HSPA4L: variants seen among roughly 807,000 people sequenced by gnomAD.
HSPA4L encodes the protein heat shock protein family A (Hsp70) member 4 like, also known as heat shock 70 kDa protein 4L.
In HSPA4L, 48 loss-of-function variants were observed where a neutral mutation model predicts 100.3. The ratio of observed to expected loss-of-function variants is 0.48; its 90% confidence interval spans 0.38 to 0.61. The LOEUF (loss-of-function observed/expected upper bound fraction) is 0.61. HSPA4L is among the 20% of genes least tolerant of loss of function. The probability of loss-of-function intolerance (pLI) is 0.00; values close to 1 mark genes in which losing one functional copy is unlikely to be tolerated. For missense variants in HSPA4L, 886 were observed against 988.6 expected (o/e 0.90, Z 1.39); for synonymous variants, 319 against 328.2 (o/e 0.97, Z 0.30).
chr4:127,838,173 C>T lies in HSPA4L; in HGVS notation c.*5299C>T, dbSNP rs896014252. On this transcript the variant is annotated 3_prime_UTR_variant, in exon 19 of 19. Transcript: ENST00000296464. Reference sequence around the variant, plus strand: ...TTTATAATGCTGCCAGATGTCATTACAATTTTTTTTCTAAATTCAAAGGTA... The same window carrying T: ...TTTATAATGCTGCCAGATGTCATTATAATTTTTTTTCTAAATTCAAAGGTA... The T allele has an allele frequency of 2.6e-5, 4 of 152,098 alleles. No individual in the cohort carries two copies. Among genetic ancestry groups the T allele is most frequent in the Non-Finnish European group, 5.9e-5 (4 of 68,022 alleles). 9.4% of individuals were successfully genotyped at this position (152,098 alleles called of 1,614,324 possible).
At position 127,833,770 on chromosome 4, in the gene HSPA4L, AG is replaced by A. The variant is rs1734144950; in HGVS notation, c.*898del. 1 of 152,196 alleles carries A rather than the reference AG, an allele frequency of 6.6e-6. No homozygotes were observed. Among genetic ancestry groups the A allele is most frequent in the Non-Finnish European group, 1.5e-5 (1 of 68,022 alleles). 9.4% of individuals were successfully genotyped at this position (152,196 alleles called of 1,614,324 possible). On this transcript the variant is annotated 3_prime_UTR_variant, in exon 19 of 19. Coordinates refer to ENST00000296464, the MANE Select transcript of HSPA4L (RefSeq NM_014278.4). ...TGTTAATAATACCTTAACACAGGGT[AG>A]GAAGAAGTGGCACAGTGTATTGCAT...
In HSPA4L at chr4:127,838,937, CTA is replaced by C. The variant is rs1382817950; in HGVS notation, c.*6065_*6066del. 2.0e-5 allele frequency: 3 copies of C among 151,746 alleles called. No individual in the cohort carries two copies. The highest frequency in any genetic ancestry group is 1.3e-4 in the Admixed American group (2 of 15,250). 9.4% of individuals were successfully genotyped at this position (151,746 alleles called of 1,614,324 possible). A position where few individuals can be genotyped will look rare whatever the true frequency, so the allele number is the denominator to read the frequency against. On this transcript the variant is annotated 3_prime_UTR_variant, in exon 19 of 19. Coordinates refer to ENST00000296464, the MANE Select transcript of HSPA4L (RefSeq NM_014278.4). ...TGGCTATAAATTCGTACTTGATAAG[CTA>C]TGTTATTTCTTTGTGTAATTTAATA...
At chr4:127,816,791 C>A (rs1733680598) in intron 12 of HSPA4L, among the ~76,000 whole-genome samples, 1 of 152,112 alleles carries the variant, frequency 6.6e-6, no homozygotes. Flanking sequence ...GAGTTGGATT[C>A]TGAATGTGAA....
At position 127,832,859 on chromosome 4, in the gene HSPA4L, G is replaced by A. The variant is rs1462043651; in HGVS notation, c.2505G>A (p.Glu835=). The change falls in exon 19 of 19, where the codon GAG becomes GAA. Residue 835 remains glutamate, a synonymous_variant. Transcript: ENST00000296464. ...CACAGCATACTAAATCCTCTGGAGA[G>A]ATGGAAGTGGACTAAGTCTTAATTT... ...DSSQHTKSSG[E]MEVD The A allele has an allele frequency of 6.2e-7, 1 of 1,600,974 alleles. No homozygotes were observed.
chr4:127,791,113 G>C (rs1416737907), intron 1 of HSPA4L, among the ~76,000 whole-genome samples: 1 of 151,686 alleles, frequency 6.6e-6, no homozygotes, highest in East Asian at 1.9e-4. Context: ...AAAAAAAAAA[G>C]TTCCAATAAT....
At chr4:127,814,863 C>T (rs921629740) in intron 12 of HSPA4L, among the ~76,000 whole-genome samples, 2 of 152,126 alleles carry the variant, frequency 1.3e-5, no homozygotes, top group African/African-American at 2.4e-5. Context: ...CCGTGCCCGG[C>T]CTGTGCACTT....
chr4:127,830,666 CT>C lies in HSPA4L; in HGVS notation c.2196del (p.Glu733LysfsTer13). The C allele has an allele frequency of 6.2e-7, 1 of 1,600,948 alleles. No individual in the cohort carries two copies. The highest frequency in any genetic ancestry group is 8.5e-7 in the Non-Finnish European group (1 of 1,175,280). On this transcript the variant is annotated frameshift_variant, in exon 18 of 19. Coordinates refer to ENST00000296464, the MANE Select transcript of HSPA4L (RefSeq NM_014278.4). LOFTEE classifies it high-confidence loss of function. ...KDERYDHLDP[T>X]EMEKVEKCIS... ...GAAAGATATGATCATCTGGATCCTA[CT>C]GAAATGGAAAAGGTTGAAAAATGTA...
At chr4:127,815,786 A>C (rs1457100511) in intron 12 of HSPA4L, among the ~76,000 whole-genome samples, 1 of 152,234 alleles carries the variant, frequency 6.6e-6, no homozygotes, top group Admixed American at 6.5e-5. Flanking sequence ...GCAAAAAGAT[A>C]GCATATAAAT....
At chr4:127,818,665 CTT>C (rs748835369) in intron 13 of HSPA4L, among the ~76,000 whole-genome samples, 9 of 151,058 alleles carry the variant, frequency 6.0e-5, no homozygotes, top group Non-Finnish European at 1.2e-4. Context: ...TTTTCATTAA[CTT>C]TTTTTTTCAT....
chr4:127,807,478 A>G (rs906379414), intron 10 of HSPA4L, among the ~76,000 whole-genome samples: 10 of 152,080 alleles, frequency 6.6e-5, no homozygotes, highest in African/African-American at 2.4e-4. Flanking sequence ...GTTCAGGAAA[A>G]ATATATACAG....
At position 127,835,824 on chromosome 4, in the gene HSPA4L, CT is replaced by C; in HGVS notation, c.*2951del. 1 of 152,430 alleles carries C rather than the reference CT, an allele frequency of 6.6e-6. No individual in the cohort carries two copies. 9.4% of individuals were successfully genotyped at this position (152,430 alleles called of 1,614,324 possible). ...CAAGGCTGGGCACAGTGACTCACAC[CT>C]GTAATCCTAGCACTTTGAGAGGCTA... is the stretch of plus-strand genomic sequence containing the variant. On this transcript the variant is annotated 3_prime_UTR_variant, in exon 19 of 19. Transcript: ENST00000296464.
rs189112713 is a variant in HSPA4L at position 127,817,324 on chromosome 4, G to A, written c.1579-1001G>A. Among the ~76,000 whole-genome samples, 101 of 151,480 alleles carry A rather than the reference G, an allele frequency of 6.7e-4. 2 individuals carry two copies. Among genetic ancestry groups the A allele is most frequent in the Middle Eastern group, 6.8e-3 (2 of 294 alleles). On this transcript the variant is annotated intron_variant, in intron 12 of 18. Coordinates refer to ENST00000296464, the MANE Select transcript of HSPA4L (RefSeq NM_014278.4). ...AGTGATCTGCCTGCCTTGGCCTCCC[G>A]AAGAATAATTGATCTTTTAACTACA...
intron 16 of HSPA4L, 97 bp downstream of exon 16, chr4:127,823,721 TTTAA>T (rs149551465): frequency 0.036 from 24,385 of 679,272 alleles, 1,986 homozygotes; most frequent in East Asian, 0.3. Context: ...TTTTTAATTT[TTTAA>T]TTGAGAGGAA....
chr4:127,797,563 T>C (rs1733057312), intron 3 of HSPA4L, among the ~76,000 whole-genome samples: 1 of 151,924 alleles, frequency 6.6e-6, no homozygotes, highest in South Asian at 2.1e-4. Flanking sequence ...TTGTTTTTTA[T>C]ACATTTATTT....
intron 8 of HSPA4L, 60 bp from the exon 9 acceptor site, chr4:127,805,013 A>C: frequency 8.6e-7 from 1 of 1,159,116 alleles, no homozygotes; most frequent in South Asian, 1.7e-5. Flanking sequence ...AGTACTCGAC[A>C]AAGCCTTCTG....
At chr4:127,822,980 C>G (rs1733852840) in intron 15 of HSPA4L, 86 bp downstream of exon 15, 2 of 1,333,240 alleles carry the variant, frequency 1.5e-6, no homozygotes, top group Non-Finnish European at 1.0e-6. Flanking sequence ...AATAAATGTA[C>G]CAAATGTTGT....
chr4:127,788,476 T>C (rs1330145272), intron 1 of HSPA4L, among the ~76,000 whole-genome samples: 1 of 152,248 alleles, frequency 6.6e-6, no homozygotes, highest in Non-Finnish European at 1.5e-5. Context: ...CCAGATGTTT[T>C]CTTTGCTGTA....
chr4:127,823,960 T>A (rs1352219526), intron 16 of HSPA4L, among the ~76,000 whole-genome samples: 5 of 152,324 alleles, frequency 3.3e-5, no homozygotes, highest in African/African-American at 1.2e-4. Context: ...TTGGACTTAC[T>A]CCTCTTGTCT....
In HSPA4L at chr4:127,795,797, T is replaced by C. The variant is rs1209541708; in HGVS notation, c.195T>C (p.His65=). ...QIVTNVRNTI[H]GFKKLHGRSF... is the part of the protein sequence containing the mutation. ...TCACGAACGTAAGAAATACAATTCA[T>C]GGCTTCAAAAAGCTTCATGGGCGAT... Residue 65 remains histidine (H), a synonymous_variant, in exon 3 of 19, where the codon CAT becomes CAC. Coordinates refer to ENST00000296464, the MANE Select transcript of HSPA4L (RefSeq NM_014278.4). 1 of 1,613,588 alleles carries C rather than the reference T, an allele frequency of 6.2e-7. No individual in the cohort carries two copies. Among genetic ancestry groups the C allele is most frequent in the Non-Finnish European group, 8.5e-7 (1 of 1,179,662 alleles).
Sources: allele counts gnomAD v4.1 joint callset (sites outside exome capture counted in the v4.1 genomes callset), GRCh38; gene constraint gnomAD v4.1.1; transcripts MANE v1.5; gene names NCBI Gene and HGNC (gene_info 2026-07-23, HGNC 2026-07-21).